PCDHGB1: variants seen among roughly 807,000 people sequenced by gnomAD.
The protein encoded by PCDHGB1 is protocadherin gamma subfamily B, 1.
In PCDHGB1, 34 loss-of-function variants were observed where a neutral mutation model predicts 56.6. The observed-to-expected ratio is 0.60, with a 90% confidence interval of 0.46 to 0.80. The LOEUF (loss-of-function observed/expected upper bound fraction) is 0.80. PCDHGB1 is among the 30% of genes least tolerant of loss of function. PCDHGB1 has a pLI of 0.00. For missense variants in PCDHGB1, 1,278 were observed against 1,204.6 expected (o/e 1.06, Z -0.90); for synonymous variants, 561 against 505.9 (o/e 1.11, Z -1.46).
rs2099641707 is a variant in PCDHGB1 at position 141,487,238 on chromosome 5, C to T, written c.2410-7569C>T. 1.2e-6 allele frequency: 2 copies of T among 1,614,056 alleles called. No individual in the cohort carries two copies. The highest frequency in any genetic ancestry group is 1.7e-6 in the Non-Finnish European group (2 of 1,180,022). On this transcript the variant is annotated intron_variant, in intron 1 of 3. Transcript: ENST00000523390. This position sits in a 1 kb window ranked among gnomAD's most constrained non-coding sequence, Gnocchi z 5.0. ...AGCTCCAAGGGAAGGAGAATCTCGT[C>T]TAACCCTCTACTTGGCTGTGTCCCT...
rs992096722 is a variant in PCDHGB1, at chr5:141,413,506, A to G, written c.2409+60837A>G. 3 of 1,613,910 alleles carry G rather than the reference A, an allele frequency of 1.9e-6. No individual in the cohort carries two copies. The highest frequency in any genetic ancestry group is 2.7e-5 in the African/African-American group (2 of 74,954). On this transcript the variant is annotated intron_variant, in intron 1 of 3. Coordinates refer to ENST00000523390, the MANE Select transcript of PCDHGB1 (RefSeq NM_018922.3). ...GAGCGCGCGGTGCGTGGTGAGTTTT[A>G]ATATCCTTGTGGAAGACAGGGTGAA... is the stretch of plus-strand genomic sequence containing the variant.
At chr5:141,450,489 CTG>C (rs2098682348) in intron 1 of PCDHGB1, among the ~76,000 whole-genome samples, 1 of 150,280 alleles carries the variant, frequency 6.7e-6, no homozygotes, top group Admixed American at 6.6e-5. Context: ...GTTTGTTTGT[CTG>C]TTTGTTTGTT....
intron 1 of PCDHGB1, among the ~76,000 whole-genome samples, chr5:141,447,631 A>G (rs59518107): frequency 0.11 from 16,809 of 152,214 alleles, 1,093 homozygotes; most frequent in African/African-American, 0.17. Flanking sequence ...AACCAACAGT[A>G]TGAATGATGG....
chr5:141,353,491 T>A (rs2149775371), intron 1 of PCDHGB1, among the ~76,000 whole-genome samples: 1 of 152,328 alleles, frequency 6.6e-6, no homozygotes, highest in Non-Finnish European at 1.5e-5. Flanking sequence ...TAACACTTTG[T>A]CTCATCACAA....
chr5:141,423,058 A>T (rs1235938743), intron 1 of PCDHGB1: 1 of 1,614,022 alleles, frequency 6.2e-7, no homozygotes, highest in Non-Finnish European at 8.5e-7. Context: ...TCGCCTGCTT[A>T]AGGCCAGCGA....
intron 1 of PCDHGB1, among the ~76,000 whole-genome samples, chr5:141,460,173 A>C (rs2098983888): frequency 6.6e-6 from 1 of 152,004 alleles, no homozygotes; most frequent in Admixed American, 6.6e-5. Flanking sequence ...TATTTTGTGG[A>C]TATTTTATCC....
At chr5:141,426,521 C>T (rs184198267) in intron 1 of PCDHGB1, 14 of 341,908 alleles carry the variant, frequency 4.1e-5, no homozygotes, top group Admixed American at 7.6e-5. Flanking sequence ...ACCGTGAACA[C>T]GGAGAATGGG....
intron 1 of PCDHGB1, among the ~76,000 whole-genome samples, chr5:141,438,458 G>A (rs1462204360): frequency 6.6e-6 from 1 of 151,538 alleles, no homozygotes. Context: ...CAATGCTTGA[G>A]TTCAATTATT....
At chr5:141,471,217 T>G (rs2099252724) in intron 1 of PCDHGB1, 1 of 151,568 alleles carries the variant, frequency 6.6e-6, no homozygotes, top group South Asian at 2.1e-4. Context: ...GCCTGGCAAT[T>G]TTTTTGTATT....
chr5:141,383,738 C>A (rs1779431322), intron 1 of PCDHGB1: 3 of 1,614,006 alleles, frequency 1.9e-6, no homozygotes, highest in Admixed American at 3.3e-5. Context: ...GTGACATATT[C>A]TTTTCGGAAA....
intron 1 of PCDHGB1, chr5:141,478,355 G>A: frequency 6.2e-7 from 1 of 1,613,742 alleles, no homozygotes; most frequent in Non-Finnish European, 8.5e-7. Context: ...CGCGGACGCC[G>A]TGCGGGGAGG....
intron 1 of PCDHGB1, among the ~76,000 whole-genome samples, chr5:141,437,250 G>T (rs1191184272): frequency 6.6e-6 from 1 of 152,102 alleles, no homozygotes; most frequent in African/African-American, 2.4e-5. Flanking sequence ...GACTTTCCTT[G>T]TCTTTTTATG....
chr5:141,357,488 C>G (rs1230103133), intron 1 of PCDHGB1: 2 of 1,614,218 alleles, frequency 1.2e-6, no homozygotes, highest in Admixed American at 1.7e-5. Context: ...ACCGCGGACT[C>G]GCGGAAGAGT....
chr5:141,449,424 T>C (rs2098638345), intron 1 of PCDHGB1, among the ~76,000 whole-genome samples: 1 of 151,674 alleles, frequency 6.6e-6, no homozygotes, highest in Admixed American at 6.6e-5. Context: ...CTGGCCAACA[T>C]GATAAAACTC....
At chr5:141,450,509 G>A (rs2098683055) in intron 1 of PCDHGB1, among the ~76,000 whole-genome samples, 1 of 151,878 alleles carries the variant, frequency 6.6e-6, no homozygotes, top group African/African-American at 2.4e-5. Flanking sequence ...GTTTTGAGAT[G>A]GAGTCTCATT....
chr5:141,510,814 C>CA, intron 3 of PCDHGB1, 133 bp from the exon 4 acceptor site: 1 of 1,544,688 alleles, frequency 6.5e-7, no homozygotes, highest in Admixed American at 1.8e-5. Flanking sequence ...TTGGTGACCC[C>CA]TATATTCCCA....
intron 3 of PCDHGB1, among the ~76,000 whole-genome samples, chr5:141,509,164 C>A (rs1454864362): frequency 6.6e-6 from 1 of 152,188 alleles, no homozygotes; most frequent in Non-Finnish European, 1.5e-5. Context: ...TCCCGTGTGC[C>A]CTCCTCCTCT....
intron 1 of PCDHGB1, among the ~76,000 whole-genome samples, chr5:141,475,171 C>A (rs545499118): frequency 6.6e-6 from 1 of 152,164 alleles, no homozygotes; most frequent in African/African-American, 2.4e-5. Context: ...AGCAGTGCAA[C>A]TTCTTGTGGC....
chr5:141,393,650 C>A, intron 1 of PCDHGB1: 1 of 1,613,906 alleles, frequency 6.2e-7, no homozygotes, highest in Non-Finnish European at 8.5e-7. Context: ...AAGTGGCATA[C>A]AAATTCCGGA....
Sources: allele counts gnomAD v4.1 joint callset (sites outside exome capture counted in the v4.1 genomes callset), GRCh38; gene constraint gnomAD v4.1.1; non-coding constraint Gnocchi (gnomAD v3.1); transcripts MANE v1.5; gene names NCBI Gene and HGNC (gene_info 2026-07-23, HGNC 2026-07-21).